Variants in SPACA7 observed in about 807,000 individuals in gnomAD.
SPACA7 encodes the protein sperm acrosome associated 7, also known as sperm acrosome-associated protein 7.
SPACA7 carries 19 observed loss-of-function variants against 26.3 expected under a neutral mutation model. The observed-to-expected ratio is 0.72, with a 90% CI of 0.50 to 1.06. The LOEUF (loss-of-function observed/expected upper bound fraction) is 1.06. Ranked by LOEUF, SPACA7 falls within the 50% of genes least tolerant of loss-of-function variation. The pLI, the probability that SPACA7 is intolerant of heterozygous loss-of-function variation, is 0.00. For missense variants in SPACA7, 211 were observed against 229.9 expected (o/e 0.92, Z 0.53); for synonymous variants, 84 against 84.5 (o/e 0.99, Z 0.04).
intron 5 of SPACA7, 69 bp downstream of exon 5, chr13:112,401,233 T>A: frequency 8.0e-7 from 1 of 1,250,490 alleles, no homozygotes; most frequent in Non-Finnish European, 1.2e-6. Flanking sequence ...GAGGTGACTG[T>A]CTCCCTCCAG....
At chr13:112,418,126 A>G (rs968036028) in intron 5 of SPACA7, among the ~76,000 whole-genome samples, 3 of 152,202 alleles carry the variant, frequency 2.0e-5, no homozygotes, top group African/African-American at 7.2e-5. Flanking sequence ...TGAAAACTAT[A>G]TAAGTTGAAA....
At chr13:112,425,123 T>A (rs1241122233) in intron 5 of SPACA7, among the ~76,000 whole-genome samples, 2 of 152,170 alleles carry the variant, frequency 1.3e-5, no homozygotes, top group African/African-American at 4.8e-5. Context: ...ACAACTCAGA[T>A]GCAACCTGAC....
At chr13:112,383,132 AGAAAGAAAGAAAG>A (rs1566453224) in intron 1 of SPACA7, among the ~76,000 whole-genome samples, 3 of 3,884 alleles carry the variant, frequency 7.7e-4, no homozygotes, top group African/African-American at 1.3e-3. Context: ...AAAGAAAGAA[AGAAAGAAAGAAAG>A]AAAGAAAGAA....
At chr13:112,400,681 C>T (rs1031282802) in intron 4 of SPACA7, among the ~76,000 whole-genome samples, 12 of 152,242 alleles carry the variant, frequency 7.9e-5, no homozygotes, top group Admixed American at 2.0e-4. Flanking sequence ...CCTGCCCGCA[C>T]TCCTTTCTTC....
chr13:112,385,409 C>T (rs1566455326), intron 1 of SPACA7, among the ~76,000 whole-genome samples: 1 of 152,116 alleles, frequency 6.6e-6, no homozygotes, highest in Non-Finnish European at 1.5e-5. Flanking sequence ...TTCTTAGCAA[C>T]TTTTATTTTT....
At chr13:112,395,521 A>G (rs1215436799) in intron 2 of SPACA7, among the ~76,000 whole-genome samples, 1 of 152,028 alleles carries the variant, frequency 6.6e-6, no homozygotes, top group Non-Finnish European at 1.5e-5. Context: ...CCCAGGGTGA[A>G]GTGCAGTGGC....
At chr13:112,430,891 G>A (rs1877059266) in intron 5 of SPACA7, among the ~76,000 whole-genome samples, 1 of 152,138 alleles carries the variant, frequency 6.6e-6, no homozygotes, top group East Asian at 1.9e-4. Flanking sequence ...TCCACAAATA[G>A]CTAACCTGAA....
At chr13:112,390,017 T>C (rs1213130803) in intron 1 of SPACA7, among the ~76,000 whole-genome samples, 1 of 152,164 alleles carries the variant, frequency 6.6e-6, no homozygotes, top group African/African-American at 2.4e-5. Context: ...CTGTTTCCAG[T>C]TGGTCTTTTT....
intron 5 of SPACA7, among the ~76,000 whole-genome samples, chr13:112,405,011 C>A (rs946110486): frequency 8.3e-6 from 1 of 120,582 alleles, no homozygotes. Flanking sequence ...TTAAGACAGT[C>A]TCGCTGTGTC....
At chr13:112,413,843 G>T (rs534103089) in intron 5 of SPACA7, among the ~76,000 whole-genome samples, 34 of 152,146 alleles carry the variant, frequency 2.2e-4, no homozygotes, top group Non-Finnish European at 4.7e-4. Context: ...CCTGAGGCTG[G>T]GTAATTTATA....
rs559833041 is a variant in SPACA7, at chr13:112,380,141, G to A, written c.94+3662G>A. On this transcript the variant is annotated intron_variant, in intron 1 of 6. Coordinates refer to ENST00000283550, the MANE Select transcript of SPACA7 (RefSeq NM_145248.5). Reference sequence around the variant, plus strand: ...TTATTAAGAACAGACCAGGCCTGGCGTGGTGGCTCATGCCTGTAATCCCAG... The same window carrying A: ...TTATTAAGAACAGACCAGGCCTGGCATGGTGGCTCATGCCTGTAATCCCAG... 3.0e-4 allele frequency among the ~76,000 whole-genome samples: 46 copies of A among 152,224 alleles called. No individual in the cohort carries two copies. The South Asian group carries it at 8.3e-3, about 28-fold the overall frequency.
chr13:112,402,158 G>A (rs1448373423), intron 5 of SPACA7, among the ~76,000 whole-genome samples: 2 of 152,130 alleles, frequency 1.3e-5, no homozygotes, highest in African/African-American at 4.8e-5. Flanking sequence ...AATGTTGAGT[G>A]GATCTATCTA....
chr13:112,387,830 C>T (rs1884624789), intron 1 of SPACA7, among the ~76,000 whole-genome samples: 1 of 152,196 alleles, frequency 6.6e-6, no homozygotes, highest in South Asian at 2.1e-4. Context: ...ACGGAATTAA[C>T]ATTTTCTATG....
At chr13:112,407,818 A>G (rs1428265797) in intron 5 of SPACA7, among the ~76,000 whole-genome samples, 1 of 152,216 alleles carries the variant, frequency 6.6e-6, no homozygotes, top group Non-Finnish European at 1.5e-5. Flanking sequence ...ATTCCTTCTG[A>G]AACTATTCCA....
chr13:112,409,279 C>G (rs1886191274), intron 5 of SPACA7, among the ~76,000 whole-genome samples: 1 of 152,146 alleles, frequency 6.6e-6, no homozygotes, highest in African/African-American at 2.4e-5. Flanking sequence ...AAAACCTAGG[C>G]AATACCATTC....
chr13:112,423,177 T>C (rs1876163919), intron 5 of SPACA7, among the ~76,000 whole-genome samples: 1 of 152,108 alleles, frequency 6.6e-6, no homozygotes, highest in Non-Finnish European at 1.5e-5. Context: ...AAAGGTATCT[T>C]GGGGTAAATG....
chr13:112,382,943 C>A (rs993044893), intron 1 of SPACA7, among the ~76,000 whole-genome samples: 1 of 149,956 alleles, frequency 6.7e-6, no homozygotes, highest in African/African-American at 2.5e-5. Flanking sequence ...AAGCTGAGAT[C>A]GAGCTATTGC....
chr13:112,425,741 G>A (rs572659583), intron 5 of SPACA7, among the ~76,000 whole-genome samples: 72 of 152,258 alleles, frequency 4.7e-4, no homozygotes, highest in African/African-American at 1.7e-3. Context: ...GAGAGCTAAA[G>A]AAAAGGATGG....
At chr13:112,387,538 C>G (rs183173324) in intron 1 of SPACA7, among the ~76,000 whole-genome samples, 2 of 152,174 alleles carry the variant, frequency 1.3e-5, no homozygotes, top group East Asian at 1.9e-4. Flanking sequence ...TTAATTAAAC[C>G]CTTGCAGAGA....
Sources: allele counts gnomAD v4.1 joint callset (sites outside exome capture counted in the v4.1 genomes callset), GRCh38; gene constraint gnomAD v4.1.1; transcripts MANE v1.5; gene names NCBI Gene and HGNC (gene_info 2026-07-23, HGNC 2026-07-21).